DNAJC3: variants seen among roughly 807,000 people sequenced by gnomAD.
The protein encoded by DNAJC3 is dnaJ homolog subfamily C member 3.
In DNAJC3, 38 loss-of-function variants were observed where a neutral mutation model predicts 68.6. The observed-to-expected ratio is 0.55, with a 90% CI of 0.43 to 0.73. DNAJC3 has a LOEUF of 0.73. Ranked by LOEUF, DNAJC3 falls within the 30% of genes least tolerant of loss-of-function variation. The pLI, the probability that DNAJC3 is intolerant of heterozygous loss-of-function variation, is 0.00. For missense variants in DNAJC3, 526 were observed against 591.9 expected, an observed-to-expected ratio of 0.89 and a Z score of 1.16; for synonymous variants, 203 against 204.0, an observed-to-expected ratio of 1.00 and a Z score of 0.04.
chr13:95,767,172 C>T (rs750280332), intron 9 of DNAJC3, among the ~76,000 whole-genome samples: 2 of 152,054 alleles, frequency 1.3e-5, no homozygotes, highest in Non-Finnish European at 2.9e-5. Flanking sequence ...CTTAAACAGC[C>T]GCTCCTTTTT....
In DNAJC3 at chr13:95,723,361, A is replaced by G; in HGVS notation, c.313A>G (p.Thr105Ala). ...AGTGATTCAATTGAAGATGGACTTC[A>G]CTGCAGTAAGTATATCTCAACTTTC... The part of the protein sequence containing the change: ...TKVIQLKMDF[T>A]AARLQRGHLL... The change falls in exon 3 of 12, where the codon ACT becomes GCT. Residue 105 changes from threonine (T) to alanine (A), a missense_variant. Physicochemically the swap from Thr to Ala is moderately conservative, Grantham distance 58 (BLOSUM62 0). Coordinates refer to ENST00000602402, the MANE Select transcript of DNAJC3 (RefSeq NM_006260.5). 6.2e-7 allele frequency: 1 copy of G among 1,609,630 alleles called. No individual in the cohort carries two copies. The highest frequency in any genetic ancestry group is 1.1e-5 in the South Asian group (1 of 90,174).
At chr13:95,740,544 G>T (rs1221726023) in intron 4 of DNAJC3, among the ~76,000 whole-genome samples, 5 of 151,332 alleles carry the variant, frequency 3.3e-5, no homozygotes, top group African/African-American at 1.2e-4. Context: ...TCGGAAAAGC[G>T]CAGTATTCGG....
chr13:95,773,970 C>T (rs1461025780), intron 9 of DNAJC3, among the ~76,000 whole-genome samples: 1 of 151,450 alleles, frequency 6.6e-6, no homozygotes, highest in African/African-American at 2.4e-5. Flanking sequence ...CTCCTGACCT[C>T]GTGATCCACC....
intron 1 of DNAJC3, among the ~76,000 whole-genome samples, chr13:95,683,275 T>C (rs1177173263): frequency 6.6e-6 from 1 of 152,150 alleles, no homozygotes; most frequent in East Asian, 1.9e-4. Flanking sequence ...GGGTATATTG[T>C]GTAATGGTGG....
chr13:95,697,787 T>G (rs1454700455), intron 1 of DNAJC3, among the ~76,000 whole-genome samples: 1 of 70,872 alleles, frequency 1.4e-5, no homozygotes, highest in Admixed American at 1.4e-4. Context: ...CTTCAAGAAG[T>G]TTTTTTTTTT....
rs1765236917 is a variant in DNAJC3, at chr13:95,792,512, G to A, written c.*1482G>A. 1 of 152,142 alleles carries A rather than the reference G, an allele frequency of 6.6e-6. No individual in the cohort carries two copies. Among genetic ancestry groups the A allele is most frequent in the African/African-American group, 2.4e-5 (1 of 41,422 alleles). 9.4% of individuals were successfully genotyped at this position (152,142 alleles called of 1,614,324 possible). A position where few individuals can be genotyped will look rare whatever the true frequency, so the allele number is the denominator to read the frequency against. ...CACTGTGGGAGGCATCCTGACCACG[G>A]ACATCCATAACAGCAAAGCACAAAT... On this transcript the variant is annotated 3_prime_UTR_variant, in exon 12 of 12. Coordinates refer to ENST00000602402, the MANE Select transcript of DNAJC3 (RefSeq NM_006260.5).
intron 1 of DNAJC3, among the ~76,000 whole-genome samples, chr13:95,691,061 G>C (rs1880236499): frequency 7.0e-6 from 1 of 142,010 alleles, no homozygotes; most frequent in African/African-American, 2.7e-5. Flanking sequence ...TGGCCGGGCA[G>C]AGGGGCTCCT....
At chr13:95,757,875 C>T (rs1882711351) in intron 5 of DNAJC3, 79 bp downstream of exon 5, 2 of 1,376,294 alleles carry the variant, frequency 1.5e-6, no homozygotes, top group Non-Finnish European at 1.9e-6. Context: ...ATGTCACATA[C>T]CACAAAGACC....
At chr13:95,692,680 A>G (rs9561931) in intron 1 of DNAJC3, 80,000 of 151,862 alleles carry the variant, frequency 0.53, 21,214 homozygotes, top group East Asian at 0.65. Context: ...TATTACCACC[A>G]TATTTAGAGC....
intron 4 of DNAJC3, among the ~76,000 whole-genome samples, chr13:95,726,993 T>C (rs1881547175): frequency 6.6e-6 from 1 of 152,194 alleles, no homozygotes; most frequent in African/African-American, 2.4e-5. Flanking sequence ...TTTTTATCTA[T>C]CTCCCCTCCT....
chr13:95,714,023 C>G (rs944133570), intron 2 of DNAJC3, among the ~76,000 whole-genome samples: 2 of 152,134 alleles, frequency 1.3e-5, no homozygotes, highest in African/African-American at 4.8e-5. Context: ...TATAAATATA[C>G]GGAGAACTTC....
At chr13:95,711,015 T>C (rs1287699366) in intron 2 of DNAJC3, among the ~76,000 whole-genome samples, 3 of 152,220 alleles carry the variant, frequency 2.0e-5, no homozygotes, top group South Asian at 2.1e-4. Flanking sequence ...AAGATACAGC[T>C]GTGCTCCCAG....
intron 2 of DNAJC3, among the ~76,000 whole-genome samples, chr13:95,715,304 G>C (rs1881100357): frequency 6.6e-6 from 1 of 152,146 alleles, no homozygotes; most frequent in South Asian, 2.1e-4. Context: ...TTGGGAGGCT[G>C]AGGTGGAAGG....
Position 95,728,293 on chromosome 13 carries a change from G to C in DNAJC3, c.393+3041G>C, listed in dbSNP as rs142090324. On this transcript the variant is annotated intron_variant, in intron 4 of 11. Coordinates refer to ENST00000602402, the MANE Select transcript of DNAJC3 (RefSeq NM_006260.5). ...TAAGAAAGCACCAAATTGCTTTCCA[G>C]AGTGACTGTACCATTTTACATTCCT... is the stretch of plus-strand genomic sequence containing the variant. 2.2e-3 allele frequency among the ~76,000 whole-genome samples: 330 copies of C among 152,334 alleles called. 5 individuals are homozygous for C. Among genetic ancestry groups the C allele is most frequent in the African/African-American group, 7.6e-3 (315 of 41,574 alleles).
chr13:95,716,622 G>A (rs943438680), intron 2 of DNAJC3, among the ~76,000 whole-genome samples: 3 of 152,142 alleles, frequency 2.0e-5, no homozygotes, highest in Admixed American at 2.0e-4. Context: ...GCCGGAAGTG[G>A]GGGATGGAGT....
chr13:95,716,852 C>G (rs748802366), intron 2 of DNAJC3, among the ~76,000 whole-genome samples: 4 of 152,134 alleles, frequency 2.6e-5, no homozygotes, highest in Non-Finnish European at 5.9e-5. Context: ...GCGTGGCTGG[C>G]CAGAGTGATC....
intron 4 of DNAJC3, among the ~76,000 whole-genome samples, chr13:95,755,436 G>T (rs1471893783): frequency 6.6e-6 from 1 of 151,926 alleles, no homozygotes; most frequent in Non-Finnish European, 1.5e-5. Flanking sequence ...GGGAGACAGA[G>T]CAAGACCCTG....
At chr13:95,744,271 G>C (rs557702223) in intron 4 of DNAJC3, among the ~76,000 whole-genome samples, 1 of 152,176 alleles carries the variant, frequency 6.6e-6, no homozygotes, top group African/African-American at 2.4e-5. Context: ...ACTTTTGCAT[G>C]GGATAATATT....
chr13:95,712,990 A>G (rs1593971435), intron 2 of DNAJC3, among the ~76,000 whole-genome samples: 1 of 152,168 alleles, frequency 6.6e-6, no homozygotes, highest in East Asian at 1.9e-4. Context: ...ATGGTTTTAT[A>G]AGGGACTTTT....
Sources: gnomAD v4.1 joint callset for allele counts (sites outside exome capture counted in the v4.1 genomes callset) on GRCh38, gnomAD v4.1.1 for gene constraint, MANE v1.5 for transcripts, NCBI Gene and HGNC (gene_info 2026-07-23, HGNC 2026-07-21) for gene names.